Variants in ADAMTS3 observed in about 807,000 individuals in gnomAD.
ADAMTS3 encodes the protein ADAM metallopeptidase with thrombospondin type 1 motif 3, also known as A disintegrin and metalloproteinase with thrombospondin motifs 3.
In ADAMTS3, 73 loss-of-function variants were observed where a neutral mutation model predicts 129.0. That is an observed-to-expected ratio of 0.57 (90% CI 0.47 to 0.69). The LOEUF (loss-of-function observed/expected upper bound fraction) is 0.69. ADAMTS3 is among the 30% of genes least tolerant of loss of function. The pLI is 0.00. For missense variants in ADAMTS3, 1,457 were observed against 1,514.5 expected (o/e 0.96, Z 0.63); for synonymous variants, 477 against 510.8 (o/e 0.93, Z 0.89).
intron 2 of ADAMTS3, among the ~76,000 whole-genome samples, chr4:72,567,164 CAGG>C (rs1278266259): frequency 6.6e-6 from 1 of 152,138 alleles, no homozygotes; most frequent in East Asian, 1.9e-4. Flanking sequence ...TGTCCAACTG[CAGG>C]AGAATTTTTA....
Position 72,315,869 on chromosome 4 carries a change from C to G in ADAMTS3, c.1588G>C (p.Ala530Pro). The G allele has an allele frequency of 6.3e-7, 1 of 1,599,986 alleles. No homozygotes were observed. ...KGPPLDGTECAAGKWCYKGHC... is the reference protein window; with the variant it reads ...KGPPLDGTECPAGKWCYKGHC... ...ATAGATATACTCACTTTTCCAGCAGCACATTCAGTCCCATCAAGTGGAGGT... is the reference window on the plus strand; with the variant it reads ...ATAGATATACTCACTTTTCCAGCAGGACATTCAGTCCCATCAAGTGGAGGT... Residue 530 changes from alanine to proline, a missense_variant, in exon 11 of 22, where the codon GCT becomes CCT. Ala to Pro is a conservative substitution (Grantham distance 27). Transcript: ENST00000286657.
At chr4:72,431,691 G>A (rs1299914564) in intron 3 of ADAMTS3, among the ~76,000 whole-genome samples, 4 of 151,930 alleles carry the variant, frequency 2.6e-5, no homozygotes, top group South Asian at 2.1e-4. Context: ...CTTCTGTTCC[G>A]AAGTGTTTCA....
intron 10 of ADAMTS3, among the ~76,000 whole-genome samples, chr4:72,317,853 C>T (rs370719634): frequency 6.6e-6 from 1 of 152,078 alleles, no homozygotes; most frequent in East Asian, 1.9e-4. Context: ...ATGGTAAAAC[C>T]CCGTCTCTAC....
chr4:72,318,741 C>G, intron 9 of ADAMTS3, 37 bp from the exon 10 acceptor site: 4 of 1,588,418 alleles, frequency 2.5e-6, no homozygotes, highest in Non-Finnish European at 3.4e-6. Flanking sequence ...GTTAAATGTT[C>G]ACTTAAAAAA....
intron 2 of ADAMTS3, among the ~76,000 whole-genome samples, chr4:72,550,980 G>A (rs911503557): frequency 3.3e-5 from 5 of 152,052 alleles, no homozygotes; most frequent in Admixed American, 3.3e-4. Context: ...TTTGTTTGAT[G>A]CTTATTAAGT....
intron 4 of ADAMTS3, among the ~76,000 whole-genome samples, chr4:72,401,336 G>A (rs1181843811): frequency 2.0e-5 from 3 of 151,992 alleles, no homozygotes; most frequent in Non-Finnish European, 2.9e-5. Context: ...GGAGGCTGAG[G>A]TGGGTGGATC....
At chr4:72,414,104 T>C (rs1030666220) in intron 4 of ADAMTS3, among the ~76,000 whole-genome samples, 1 of 151,808 alleles carries the variant, frequency 6.6e-6, no homozygotes, top group South Asian at 2.1e-4. Flanking sequence ...TCTTGGCAAA[T>C]GTAAAGACTT....
At chr4:72,504,177 A>G (rs1720094586) in intron 3 of ADAMTS3, among the ~76,000 whole-genome samples, 1 of 152,072 alleles carries the variant, frequency 6.6e-6, no homozygotes, top group African/African-American at 2.4e-5. Flanking sequence ...TGGTTGCTTT[A>G]TTGGGTCTGT....
chr4:72,471,215 T>C (rs1322026447), intron 3 of ADAMTS3, among the ~76,000 whole-genome samples: 1 of 152,194 alleles, frequency 6.6e-6, no homozygotes, highest in African/African-American at 2.4e-5. Context: ...AATTAGAAAC[T>C]TGGAGTACTT....
intron 3 of ADAMTS3, among the ~76,000 whole-genome samples, chr4:72,502,329 T>C (rs1041545600): frequency 5.3e-5 from 8 of 152,214 alleles, no homozygotes; most frequent in Non-Finnish European, 1.2e-4. Flanking sequence ...AATTTCTTCC[T>C]GATTCAATCT....
At chr4:72,494,865 T>C (rs1281706791) in intron 3 of ADAMTS3, among the ~76,000 whole-genome samples, 1 of 152,144 alleles carries the variant, frequency 6.6e-6, no homozygotes, top group Non-Finnish European at 1.5e-5. Flanking sequence ...ATCAGCTAGG[T>C]CAGCATCAGC....
intron 19 of ADAMTS3, among the ~76,000 whole-genome samples, chr4:72,293,345 C>T (rs560375318): frequency 1.4e-4 from 21 of 152,070 alleles, no homozygotes; most frequent in South Asian, 1.0e-3. Context: ...CCTCCTCCAA[C>T]GCAGAAGACA....
intron 3 of ADAMTS3, among the ~76,000 whole-genome samples, chr4:72,479,321 G>A (rs1271743873): frequency 2.6e-5 from 4 of 152,144 alleles, no homozygotes; most frequent in African/African-American, 9.7e-5. Flanking sequence ...CACCAAAACA[G>A]CATGGTACTG....
rs572536477 is a variant in ADAMTS3, at chr4:72,541,797, C to A, written c.504+6681G>T. Among the ~76,000 whole-genome samples the A allele has an allele frequency of 2.0e-5, 3 of 152,256 alleles. No homozygotes were observed. In the East Asian group the frequency reaches 5.8e-4, roughly 29 times the overall value. On this transcript the variant is annotated intron_variant, in intron 3 of 21. Coordinates refer to ENST00000286657, the MANE Select transcript of ADAMTS3 (RefSeq NM_014243.3). ...TTTGCCTTCCACCACGATTGTGAGG[C>A]CTCCCTAGCCATGTGGAACTGTGAG...
chr4:72,385,117 T>C (rs1721412066), intron 4 of ADAMTS3, among the ~76,000 whole-genome samples: 1 of 151,796 alleles, frequency 6.6e-6, no homozygotes, highest in Non-Finnish European at 1.5e-5. Flanking sequence ...GAGGTGGAGC[T>C]TGCAGTGAGC....
At chr4:72,408,490 T>C (rs1003510574) in intron 4 of ADAMTS3, among the ~76,000 whole-genome samples, 4 of 152,120 alleles carry the variant, frequency 2.6e-5, no homozygotes, top group African/African-American at 9.7e-5. Context: ...TTAAAGTTAA[T>C]GCTTGATGAT....
chr4:72,531,076 C>A (rs959429209), intron 3 of ADAMTS3, among the ~76,000 whole-genome samples: 1 of 151,374 alleles, frequency 6.6e-6, no homozygotes, highest in African/African-American at 2.4e-5. Context: ...CAATAATTGG[C>A]CGAAAACACC....
At position 72,312,694 on chromosome 4, in the gene ADAMTS3, T is replaced by A. The variant is rs76531744; in HGVS notation, c.1746-228A>T. ...CAACTTAAATCAGCTTTTCAAATCA[T>A]ATATTTTAAATGCATGGCAAAAGTG... On this transcript the variant is annotated intron_variant, in intron 12 of 21. Coordinates refer to ENST00000286657, the MANE Select transcript of ADAMTS3 (RefSeq NM_014243.3). Among the ~76,000 whole-genome samples the A allele has an allele frequency of 8.9e-3, 1,353 of 152,102 alleles. 26 individuals are homozygous for A. The highest frequency in any genetic ancestry group is 0.031 in the African/African-American group (1,303 of 41,500).
At chr4:72,309,122 T>A (rs1719161537) in intron 15 of ADAMTS3, among the ~76,000 whole-genome samples, 1 of 151,926 alleles carries the variant, frequency 6.6e-6, no homozygotes, top group South Asian at 2.1e-4. Flanking sequence ...AAAACACAGA[T>A]TTTAGCTAGC....
Sources: gnomAD v4.1 joint callset for allele counts (sites outside exome capture counted in the v4.1 genomes callset) on GRCh38, gnomAD v4.1.1 for gene constraint, MANE v1.5 for transcripts, NCBI Gene and HGNC (gene_info 2026-07-23, HGNC 2026-07-21) for gene names.